Variants in CTCFL observed in about 807,000 individuals in gnomAD.
CTCFL encodes transcriptional repressor CTCFL.
A neutral mutation model predicts 67.4 loss-of-function variants in CTCFL; 36 were observed. The observed-to-expected ratio is 0.53, with a 90% CI of 0.41 to 0.71. CTCFL has a LOEUF of 0.71. Ranked by LOEUF, CTCFL falls within the 30% of genes least tolerant of loss-of-function variation. The pLI is 0.00. For missense variants in CTCFL, 786 were observed against 835.2 expected, an observed-to-expected ratio of 0.94 and a Z score of 0.73; for synonymous variants, 324 against 302.3, an observed-to-expected ratio of 1.07 and a Z score of -0.75.
At chr20:57,514,525 T>A in intron 7 of CTCFL, 67 bp downstream of exon 7, 2 of 1,575,646 alleles carry the variant, frequency 1.3e-6, no homozygotes, top group South Asian at 2.4e-5. Context: ...ACTTTGCAGG[T>A]TTATAGGACC....
intron 10 of CTCFL, among the ~76,000 whole-genome samples, chr20:57,503,141 T>A (rs879498089): frequency 6.6e-6 from 1 of 152,216 alleles, no homozygotes; most frequent in Non-Finnish European, 1.5e-5. Flanking sequence ...CTTGTGGTCA[T>A]CTATTGCAAC....
intron 7 of CTCFL, 108 bp from the exon 8 acceptor site, chr20:57,512,860 A>T: frequency 9.7e-7 from 1 of 1,025,748 alleles, no homozygotes; most frequent in Non-Finnish European, 1.5e-6. Context: ...GGAACATGCT[A>T]GTTCCTTCCT....
chr20:57,514,529 T>C, intron 7 of CTCFL, 63 bp downstream of exon 7: 2 of 1,585,304 alleles, frequency 1.3e-6, no homozygotes, highest in Non-Finnish European at 8.6e-7. Context: ...TGCAGGTTTA[T>C]AGGACCACGC....
intron 1 of CTCFL, chr20:57,524,630 T>C (rs4239676): frequency 0.99 from 1,007,439 of 1,016,962 alleles, 499,014 homozygotes; most frequent in East Asian, 1. Context: ...GGCCAGTGCA[T>C]ATCCTGGGCC....
intron 6 of CTCFL, 94 bp from the exon 7 acceptor site, chr20:57,514,835 C>T: frequency 7.3e-7 from 1 of 1,362,606 alleles, no homozygotes; most frequent in Non-Finnish European, 1.0e-6. Flanking sequence ...TGCCCCAAGC[C>T]TCCTTTATCA....
At chr20:57,513,601 TG>T in intron 7 of CTCFL, 1 of 1,135,272 alleles carries the variant, frequency 8.8e-7, no homozygotes, top group Non-Finnish European at 1.1e-6. Context: ...TGGCTAGACT[TG>T]TGCCCCACCA....
intron 9 of CTCFL, among the ~76,000 whole-genome samples, chr20:57,506,524 GA>G (rs2068217718): frequency 6.6e-6 from 1 of 152,174 alleles, no homozygotes; most frequent in Admixed American, 6.5e-5. Context: ...GGCTGGTCTT[GA>G]ACTGCTGACC....
chr20:57,502,661 G>A lies in CTCFL; in HGVS notation c.1840+775C>T, dbSNP rs184361410. The stretch of plus-strand genomic sequence containing the variant: ...AGTGCAGGTGTTCACCTGTGCAGGT[G>A]TCAGGTTGGCCCCTCTTACAGCAGA... On this transcript the variant is annotated intron_variant, in intron 10 of 10. Coordinates refer to ENST00000243914, the MANE Select transcript of CTCFL (RefSeq NM_001386993.1). 4.3e-4 allele frequency among the ~76,000 whole-genome samples: 65 copies of A among 152,292 alleles called. No individual in the cohort carries two copies. In the East Asian group the frequency reaches 6.6e-3, roughly 15 times the overall value.
intron 3 of CTCFL, among the ~76,000 whole-genome samples, chr20:57,519,894 G>A (rs761739347): frequency 6.6e-6 from 1 of 152,034 alleles, no homozygotes; most frequent in Non-Finnish European, 1.5e-5. Context: ...TCTTAAATTT[G>A]GACTTAAACT....
chr20:57,515,659 CTTGCT>C, intron 6 of CTCFL, 50 bp downstream of exon 6: 1 of 1,608,112 alleles, frequency 6.2e-7, no homozygotes. Context: ...TTTTTTAAAG[CTTGCT>C]TTAAGAGTTA....
chr20:57,514,957 G>A (rs966539839), intron 6 of CTCFL: 11 of 557,720 alleles, frequency 2.0e-5, no homozygotes, highest in African/African-American at 5.7e-5. Flanking sequence ...TGACTTCCCC[G>A]CATCTGGTGG....
chr20:57,505,197 G>A (rs2068131485), intron 9 of CTCFL, among the ~76,000 whole-genome samples: 1 of 151,762 alleles, frequency 6.6e-6, no homozygotes, highest in Admixed American at 6.6e-5. Context: ...CCAAAAGCTA[G>A]CTTGCTTTAA....
intron 2 of CTCFL, 109 bp from the exon 3 acceptor site, chr20:57,523,387 G>T: frequency 1.8e-6 from 2 of 1,091,332 alleles, no homozygotes; most frequent in Non-Finnish European, 2.6e-6. Flanking sequence ...GGAAGATTAT[G>T]CATCACAATG....
rs151079886 is a variant in CTCFL, at chr20:57,507,079, G to A, written c.1674+1527C>T. ...CCAAGGATCTAGCTAGCCATGTGCA[G>A]TGGTTTTTAAATGTCCTGAAATTCT... On this transcript the variant is annotated intron_variant, in intron 9 of 10. Transcript: ENST00000243914. 1.8e-3 allele frequency: 1,752 copies of A among 989,628 alleles called. 17 individuals are homozygous for A. In the African/African-American group the frequency reaches 0.029, roughly 16 times the overall value. The allele number at this position is 989,628 out of a possible 1,614,324, so 61.3% of individuals were successfully genotyped here. A position where few individuals can be genotyped will look rare whatever the true frequency, so the allele number is the denominator to read the frequency against.
intron 3 of CTCFL, among the ~76,000 whole-genome samples, chr20:57,522,491 T>C (rs1316316882): frequency 6.6e-6 from 1 of 152,212 alleles, no homozygotes; most frequent in Non-Finnish European, 1.5e-5. Context: ...CTTCCTAATC[T>C]GGACCCATCC....
chr20:57,508,039 C>T (rs748818224), intron 9 of CTCFL, among the ~76,000 whole-genome samples: 1 of 152,100 alleles, frequency 6.6e-6, no homozygotes, highest in Non-Finnish European at 1.5e-5. Flanking sequence ...AACTCCTGGG[C>T]TCAAGTGGTC....
At chr20:57,500,322 G>T in intron 10 of CTCFL, 1 of 517,082 alleles carries the variant, frequency 1.9e-6, no homozygotes, top group Non-Finnish European at 3.0e-6. Context: ...AGGCGTGGTG[G>T]CGGGCATCTG....
chr20:57,506,645 G>T, intron 9 of CTCFL: 1 of 280,724 alleles, frequency 3.6e-6, no homozygotes, highest in Non-Finnish European at 5.4e-6. Flanking sequence ...TCTATTTACT[G>T]AGTTATAAGA....
At chr20:57,510,514 G>A (rs2068480310) in intron 8 of CTCFL, among the ~76,000 whole-genome samples, 1 of 152,220 alleles carries the variant, frequency 6.6e-6, no homozygotes, top group African/African-American at 2.4e-5. Flanking sequence ...GTTGTCTGAA[G>A]TTCAAATGTC....
Sources: allele counts gnomAD v4.1 joint callset (sites outside exome capture counted in the v4.1 genomes callset), GRCh38; gene constraint gnomAD v4.1.1; transcripts MANE v1.5; gene names NCBI Gene and HGNC (gene_info 2026-07-23, HGNC 2026-07-21).